SOX6: variants seen among roughly 807,000 people sequenced by gnomAD.
The protein encoded by SOX6 is transcription factor SOX-6.
In SOX6, 11 loss-of-function variants were observed where a neutral mutation model predicts 97.8. The observed-to-expected ratio is 0.11, with a 90% CI of 0.07 to 0.19. The LOEUF (loss-of-function observed/expected upper bound fraction) is 0.19, where lower values mean the gene tolerates loss of function less well. SOX6 is among the 10% of genes least tolerant of loss of function. SOX6 has a pLI of 1.00. For missense variants in SOX6, 810 were observed against 1,039.5 expected (o/e 0.78, Z 3.04); for synonymous variants, 360 against 371.4 (o/e 0.97, Z 0.35).
At chr11:16,713,005 G>A (rs1014737884) in intron 3 of SOX6, among the ~76,000 whole-genome samples, 17 of 152,104 alleles carry the variant, frequency 1.1e-4, no homozygotes, top group Admixed American at 2.0e-4. Flanking sequence ...TCATCTAGCC[G>A]ACCCTCTTCT....
At chr11:16,252,715 CA>C (rs1853551461) in intron 3 of SOX6, among the ~76,000 whole-genome samples, 2 of 152,254 alleles carry the variant, frequency 1.3e-5, no homozygotes, top group South Asian at 2.1e-4. Context: ...TGTTTTATCA[CA>C]GCATAACCTA....
At position 16,434,800 on chromosome 11, in the gene SOX6, G is replaced by A. The variant is rs559392027; in HGVS notation, c.-5+41515C>T. ...TAAACTAAACATTAAAAATACTTGA[G>A]AGAAAATATGCTACAATTTATAAAA... On this transcript the variant is annotated intron_variant, in intron 1 of 15. Transcript: ENST00000396356. Among the ~76,000 whole-genome samples, 5 of 152,160 alleles carry A rather than the reference G, an allele frequency of 3.3e-5. No individual in the cohort carries two copies. In the South Asian group the frequency reaches 1.0e-3, roughly 32 times the overall value.
intron 3 of SOX6, among the ~76,000 whole-genome samples, chr11:16,260,381 T>C (rs572877598): frequency 1.5e-4 from 23 of 152,270 alleles, no homozygotes; most frequent in African/African-American, 5.5e-4. Flanking sequence ...ATTGTGAAAA[T>C]GAAAATAAAT....
intron 4 of SOX6, among the ~76,000 whole-genome samples, chr11:16,565,872 A>G (rs1001618617): frequency 3.9e-5 from 6 of 152,068 alleles, no homozygotes; most frequent in Admixed American, 1.3e-4. Flanking sequence ...CAAGGTGGGC[A>G]GATCATGAGG....
intron 3 of SOX6, among the ~76,000 whole-genome samples, chr11:16,683,170 T>C (rs551760800): frequency 6.6e-6 from 1 of 152,318 alleles, no homozygotes; most frequent in African/African-American, 2.4e-5. Context: ...CAAGTTAATT[T>C]ATAGATTCAA....
intron 4 of SOX6, among the ~76,000 whole-genome samples, chr11:16,597,177 C>G (rs986901282): frequency 2.0e-5 from 3 of 151,974 alleles, no homozygotes; most frequent in African/African-American, 7.2e-5. Context: ...ACTTTAAAGG[C>G]TGACGAGTAC....
At chr11:16,709,682 A>T (rs938391734) in intron 3 of SOX6, among the ~76,000 whole-genome samples, 3 of 152,182 alleles carry the variant, frequency 2.0e-5, no homozygotes, top group Non-Finnish European at 4.4e-5. Context: ...GAGCCAATTA[A>T]ACCTCTTTTC....
intron 4 of SOX6, among the ~76,000 whole-genome samples, chr11:16,217,832 A>G (rs948818941): frequency 7.0e-4 from 106 of 152,080 alleles, no homozygotes; most frequent in Non-Finnish European, 1.5e-4. Flanking sequence ...CCCTCTCCTG[A>G]TTCATTGCAT....
intron 2 of SOX6, among the ~76,000 whole-genome samples, chr11:16,332,255 C>A (rs1015285548): frequency 3.3e-5 from 5 of 152,088 alleles, no homozygotes; most frequent in African/African-American, 1.2e-4. Context: ...TTAGTTTAAT[C>A]CTGGCTAACT....
intron 1 of SOX6, chr11:16,382,535 C>T (rs199768850): frequency 6.6e-6 from 1 of 151,870 alleles, no homozygotes; most frequent in East Asian, 1.9e-4. Flanking sequence ...TTATAGGATA[C>T]CAAGCAAGTT....
chr11:16,296,014 T>A (rs527892008), intron 3 of SOX6, among the ~76,000 whole-genome samples: 1 of 152,276 alleles, frequency 6.6e-6, no homozygotes, highest in South Asian at 2.1e-4. Flanking sequence ...GGGGCAAAGA[T>A]GAAGGTCCTT....
rs139065855 is a variant in SOX6, at chr11:16,146,901, G to A, written c.778-34978C>T. Among the ~76,000 whole-genome samples, 845 of 152,304 alleles carry A rather than the reference G, an allele frequency of 5.5e-3. 3 individuals are homozygous for A. Among genetic ancestry groups the A allele is most frequent in the Non-Finnish European group, 9.7e-3 (659 of 68,030 alleles). Reference sequence around the variant, plus strand: ...GAAATAGGAAAGCTTTTACACTGTTGGTGGGACTGTAAACTAGTTCGACCA... The same window carrying A: ...GAAATAGGAAAGCTTTTACACTGTTAGTGGGACTGTAAACTAGTTCGACCA... On this transcript the variant is annotated intron_variant, in intron 6 of 15. Coordinates refer to ENST00000683767, the MANE Select transcript of SOX6 (RefSeq NM_001367873.1).
chr11:16,538,387 A>C (rs1243494581), intron 4 of SOX6, among the ~76,000 whole-genome samples: 1 of 152,222 alleles, frequency 6.6e-6, no homozygotes, highest in Non-Finnish European at 1.5e-5. Context: ...AGTTGTAAAG[A>C]CCATCGATGC....
intron 15 of SOX6, among the ~76,000 whole-genome samples, chr11:15,980,140 C>A (rs80122554): frequency 6.6e-6 from 1 of 152,024 alleles, no homozygotes; most frequent in African/African-American, 2.4e-5. Context: ...CATCTTTAGA[C>A]GCTTGAATGG....
chr11:16,218,997 C>A (rs1020701342), intron 4 of SOX6, among the ~76,000 whole-genome samples: 1 of 152,054 alleles, frequency 6.6e-6, no homozygotes, highest in African/African-American at 2.4e-5. Context: ...TTTTCAGAAC[C>A]TTTCAGCATT....
intron 3 of SOX6, among the ~76,000 whole-genome samples, chr11:16,654,892 C>A (rs916229132): frequency 5.9e-5 from 9 of 152,278 alleles, no homozygotes; most frequent in Middle Eastern, 3.4e-3. Flanking sequence ...CCAGACCCTG[C>A]TGAAGGGGCC....
At chr11:16,509,694 A>T (rs1860848382) in intron 4 of SOX6, among the ~76,000 whole-genome samples, 1 of 152,018 alleles carries the variant, frequency 6.6e-6, no homozygotes. Context: ...TTAAATTTTT[A>T]ATAGTTTTTA....
intron 6 of SOX6, among the ~76,000 whole-genome samples, chr11:16,115,281 A>G (rs1273937724): frequency 1.3e-5 from 2 of 152,182 alleles, no homozygotes; most frequent in African/African-American, 4.8e-5. Flanking sequence ...GGAACCTTTT[A>G]AAAAAGCAAA....
At chr11:16,255,198 G>C (rs912483685) in intron 3 of SOX6, among the ~76,000 whole-genome samples, 8 of 152,014 alleles carry the variant, frequency 5.3e-5, no homozygotes, top group African/African-American at 1.9e-4. Flanking sequence ...AAGTGGACAA[G>C]TTCAGCAGGT....
Sources: allele counts gnomAD v4.1 joint callset (sites outside exome capture counted in the v4.1 genomes callset), GRCh38; gene constraint gnomAD v4.1.1; transcripts MANE v1.5; gene names NCBI Gene and HGNC (gene_info 2026-07-23, HGNC 2026-07-21).